Variants in GHR observed in about 807,000 individuals in gnomAD.
The protein encoded by GHR is growth hormone receptor.
A neutral mutation model predicts 67.1 loss-of-function variants in GHR; 35 were observed. That is an observed-to-expected ratio of 0.52 (90% CI 0.40 to 0.69). GHR has a LOEUF of 0.69. Ranked by LOEUF, GHR falls within the 30% of genes least tolerant of loss-of-function variation. The pLI is 0.00. For missense variants in GHR, 792 were observed against 764.6 expected (o/e 1.04, Z -0.42); for synonymous variants, 272 against 269.1 (o/e 1.01, Z -0.10).
chr5:42,548,093 T>C (rs1449133817), intron 1 of GHR: 1 of 985,314 alleles, frequency 1.0e-6, no homozygotes, highest in East Asian at 1.1e-4. Flanking sequence ...CTCATGAGAC[T>C]CCAGCCTAGG....
intron 2 of GHR, among the ~76,000 whole-genome samples, chr5:42,572,378 A>G (rs1489708432): frequency 6.6e-6 from 1 of 152,204 alleles, no homozygotes; most frequent in Non-Finnish European, 1.5e-5. Context: ...TTTTCTGGCA[A>G]TACTCACATG....
intron 3 of GHR, among the ~76,000 whole-genome samples, chr5:42,685,497 T>C (rs1398261253): frequency 6.6e-6 from 1 of 152,228 alleles, no homozygotes; most frequent in African/African-American, 2.4e-5. Context: ...TTTCTAGTTC[T>C]AGATCCTTGA....
intron 2 of GHR, among the ~76,000 whole-genome samples, chr5:42,599,357 A>ATTTTTTTTTTTT: frequency 9.6e-6 from 1 of 103,908 alleles, no homozygotes; most frequent in African/African-American, 4.1e-5. Flanking sequence ...CCTACAGCAC[A>ATTTTTTTTTTTT]TTTTTTTTTT....
chr5:42,467,458 T>C, intron 1 of GHR: 1 of 973,394 alleles, frequency 1.0e-6, no homozygotes, highest in Non-Finnish European at 1.6e-6. Context: ...CCGACACTCA[T>C]TACATTTACA....
At chr5:42,487,529 T>A (rs1408694818) in intron 1 of GHR, among the ~76,000 whole-genome samples, 1 of 152,082 alleles carries the variant, frequency 6.6e-6, no homozygotes, top group East Asian at 1.9e-4. Context: ...AATAAGACAA[T>A]GAAAAAAGAT....
chr5:42,655,475 T>C (rs921116303), intron 3 of GHR, among the ~76,000 whole-genome samples: 7 of 152,156 alleles, frequency 4.6e-5, no homozygotes, highest in Non-Finnish European at 1.0e-4. Flanking sequence ...CGTGGTGACA[T>C]TGGCAGACTC....
At chr5:42,571,160 A>G (rs958546563) in intron 2 of GHR, among the ~76,000 whole-genome samples, 2 of 152,202 alleles carry the variant, frequency 1.3e-5, no homozygotes, top group African/African-American at 4.8e-5. Context: ...TATTAGCACT[A>G]AAGTGGCACT....
rs143981614 is a variant in GHR, at chr5:42,487,898, C to G, written c.-12+63943C>G. Reference sequence around the variant, plus strand: ...TCAGTGGCTCTGAACACTTGCATATCATAAAATTCTCCCTCAAAATTTAAC... The same window carrying G: ...TCAGTGGCTCTGAACACTTGCATATGATAAAATTCTCCCTCAAAATTTAAC... On this transcript the variant is annotated intron_variant, in intron 1 of 9. Transcript: ENST00000230882. 7.1e-4 allele frequency among the ~76,000 whole-genome samples: 108 copies of G among 152,332 alleles called. No homozygotes were observed. The East Asian group carries it at 0.02, about 28-fold the overall frequency.
chr5:42,578,115 A>G (rs1750864784), intron 2 of GHR, among the ~76,000 whole-genome samples: 1 of 152,104 alleles, frequency 6.6e-6, no homozygotes, highest in African/African-American at 2.4e-5. Flanking sequence ...TGTGCATTGT[A>G]GCATATTTAT....
In GHR at chr5:42,482,098, C is replaced by T. The variant is rs1023954053; in HGVS notation, c.-12+58143C>T. On this transcript the variant is annotated intron_variant, in intron 1 of 9. Coordinates refer to ENST00000230882, the MANE Select transcript of GHR (RefSeq NM_000163.5). ...TCCTGTTCATTAGTTTTCCTTCTAA[C>T]AGACAGGACCCTCAGCTGCAGGTCC... Among the ~76,000 whole-genome samples, 5 of 152,332 alleles carry T rather than the reference C, an allele frequency of 3.3e-5. No homozygotes were observed. The South Asian group carries it at 8.3e-4, about 25-fold the overall frequency.
chr5:42,684,271 G>T (rs1757028922), intron 3 of GHR, among the ~76,000 whole-genome samples: 1 of 152,188 alleles, frequency 6.6e-6, no homozygotes, highest in Non-Finnish European at 1.5e-5. Context: ...AGACCAAATG[G>T]CTTGGGAAGG....
chr5:42,694,416 C>T (rs55790348), intron 4 of GHR, among the ~76,000 whole-genome samples: 1,627 of 152,262 alleles, frequency 0.011, 34 homozygotes, highest in African/African-American at 0.037. Flanking sequence ...TATATCTGCA[C>T]AGCGTTGGTG....
At chr5:42,591,789 T>C (rs1004682833) in intron 2 of GHR, among the ~76,000 whole-genome samples, 8 of 152,098 alleles carry the variant, frequency 5.3e-5, no homozygotes, top group African/African-American at 1.9e-4. Flanking sequence ...TCAACATCTG[T>C]TTGTGTCTTA....
At chr5:42,575,981 C>T (rs753673031) in intron 2 of GHR, among the ~76,000 whole-genome samples, 87 of 150,834 alleles carry the variant, frequency 5.8e-4, no homozygotes, top group Middle Eastern at 3.5e-3. Context: ...TTGCAGTGAG[C>T]TGAGGTGGTG....
chr5:42,531,069 A>G (rs1747944618), intron 1 of GHR, among the ~76,000 whole-genome samples: 1 of 152,158 alleles, frequency 6.6e-6, no homozygotes, highest in African/African-American at 2.4e-5. Context: ...AGAGTTCAAG[A>G]CTAGCCTCGC....
intron 1 of GHR, among the ~76,000 whole-genome samples, chr5:42,524,712 G>A (rs1747629884): frequency 6.6e-6 from 1 of 152,176 alleles, no homozygotes; most frequent in Admixed American, 6.5e-5. Context: ...AGAGGCCCAG[G>A]AGGAAAAATT....
rs1003915316 is a variant in GHR at position 42,625,218 on chromosome 5, C to G, written c.71-3820C>G. 4.6e-5 allele frequency among the ~76,000 whole-genome samples: 7 copies of G among 152,216 alleles called. No homozygotes were observed. The East Asian group carries it at 1.4e-3, about 29-fold the overall frequency. On this transcript the variant is annotated intron_variant, in intron 2 of 9. Coordinates refer to ENST00000230882, the MANE Select transcript of GHR (RefSeq NM_000163.5). ...AGAGAGATGGGAATGAGTCAGCTCA[C>G]TGTCCAGCACATCTTTATTTTATTT...
intron 1 of GHR, among the ~76,000 whole-genome samples, chr5:42,522,108 T>C (rs1390147707): frequency 6.6e-6 from 1 of 152,100 alleles, no homozygotes; most frequent in Non-Finnish European, 1.5e-5. Flanking sequence ...GTATTGCACA[T>C]AGGAAAACAT....
At chr5:42,545,554 A>G (rs1166260908) in intron 1 of GHR, among the ~76,000 whole-genome samples, 1 of 152,236 alleles carries the variant, frequency 6.6e-6, no homozygotes, top group Non-Finnish European at 1.5e-5. Context: ...TCTGTGGAAA[A>G]TGATCATCTT....
Sources: allele counts gnomAD v4.1 joint callset (sites outside exome capture counted in the v4.1 genomes callset), GRCh38; gene constraint gnomAD v4.1.1; transcripts MANE v1.5; gene names NCBI Gene and HGNC (gene_info 2026-07-23, HGNC 2026-07-21).